TMCO1: variants seen among roughly 807,000 people sequenced by gnomAD.
TMCO1 encodes transmembrane and coiled-coil domains 1, also known as calcium load-activated calcium channel.
TMCO1 carries 29 observed loss-of-function variants against 29.3 expected under a neutral mutation model. The observed-to-expected ratio is 0.99, with a 90% CI of 0.74 to 1.35. The LOEUF (loss-of-function observed/expected upper bound fraction) is 1.35. TMCO1 is among the 40% of genes most tolerant of loss of function. TMCO1 has a pLI of 0.00. For missense variants in TMCO1, 173 were observed against 225.5 expected, an observed-to-expected ratio of 0.77 and a Z score of 1.49; for synonymous variants, 80 against 77.1, an observed-to-expected ratio of 1.04 and a Z score of -0.20.
chr1:165,739,428 C>T (rs558126181), intron 6 of TMCO1, among the ~76,000 whole-genome samples: 13 of 152,006 alleles, frequency 8.6e-5, no homozygotes, highest in African/African-American at 2.7e-4. Flanking sequence ...GGCTCTGTTG[C>T]CCAGGCTGGA....
At chr1:165,725,991 TAAG>T (rs773082673), downstream of TMCO1, 7 of 683,210 alleles carry the variant, frequency 1.0e-5, no homozygotes, top group South Asian at 7.5e-5. Flanking sequence ...ACCTGGTCCA[TAAG>T]AAGTCTGATT....
rs746094506 is a variant in TMCO1 at position 165,754,234 on chromosome 1, T to TA, written c.248dup (p.Ser84IlefsTer27). Reference sequence around the variant, plus strand: ...TTATAGTTAGGTCTCTTACCATTGATAGATCTCTGTTGTTATTCTTCAGTT... The same window carrying TA: ...TTATAGTTAGGTCTCTTACCATTGATAAGATCTCTGTTGTTATTCTTCAGTT... On this transcript the variant is annotated frameshift_variant, in exon 4 of 7. Transcript: ENST00000367881. LOFTEE classifies it high-confidence loss of function. 1 of 1,610,750 alleles carries TA rather than the reference T, an allele frequency of 6.2e-7. No individual in the cohort carries two copies. The highest frequency in any genetic ancestry group is 8.5e-7 in the Non-Finnish European group (1 of 1,177,260).
At chr1:165,731,019 C>A (rs573525157) in intron 6 of TMCO1, among the ~76,000 whole-genome samples, 20 of 152,090 alleles carry the variant, frequency 1.3e-4, no homozygotes, top group Non-Finnish European at 2.5e-4. Flanking sequence ...CCTGCCTCAA[C>A]CTCCCGAGTA....
chr1:165,724,344 G>A (rs772501284), downstream of TMCO1: 5 of 453,468 alleles, frequency 1.1e-5, no homozygotes, highest in African/African-American at 2.0e-5. Flanking sequence ...AAAGCTGCTC[G>A]CATTACAGAG....
In TMCO1 at chr1:165,726,887, T is replaced by G; in HGVS notation, c.*1136A>C. On this transcript the variant is annotated 3_prime_UTR_variant, in exon 7 of 7. Transcript: ENST00000367881. ...ATTTTCCTCAGCACTTTGAAGATAC[T>G]TTTCTACTGTCTTCTGGACTTTATG... 1 of 454,108 alleles carries G rather than the reference T, an allele frequency of 2.2e-6. No individual in the cohort carries two copies. The highest frequency in any genetic ancestry group is 2.3e-5 in the Admixed American group (1 of 42,580). 28.1% of individuals were successfully genotyped at this position (454,108 alleles called of 1,614,324 possible).
At chr1:165,755,819 C>A (rs1295651663) in intron 3 of TMCO1, among the ~76,000 whole-genome samples, 1 of 152,158 alleles carries the variant, frequency 6.6e-6, no homozygotes, top group African/African-American at 2.4e-5. Context: ...ATTTATAACA[C>A]CCTCTGTCCT....
At chr1:165,731,643 T>C (rs776741667) in intron 6 of TMCO1, among the ~76,000 whole-genome samples, 1 of 152,252 alleles carries the variant, frequency 6.6e-6, no homozygotes, top group Non-Finnish European at 1.5e-5. Context: ...GAAACTGAAC[T>C]GGTAGTCTGT....
At chr1:165,752,299 G>T (rs1652025711) in intron 4 of TMCO1, 130 bp from the exon 5 acceptor site, 2 of 703,888 alleles carry the variant, frequency 2.8e-6, no homozygotes, top group South Asian at 1.6e-5. Flanking sequence ...CTGTCTCCCA[G>T]GCTGGAGTAC....
At chr1:165,728,766 TCTG>T (rs1651003762) in intron 6 of TMCO1, among the ~76,000 whole-genome samples, 1 of 151,940 alleles carries the variant, frequency 6.6e-6, no homozygotes, top group Non-Finnish European at 1.5e-5. Flanking sequence ...TGAGTACGGG[TCTG>T]CTGGCTGGAT....
intron 5 of TMCO1, among the ~76,000 whole-genome samples, chr1:165,750,707 C>T (rs1410679415): frequency 1.3e-5 from 2 of 152,142 alleles, no homozygotes; most frequent in Non-Finnish European, 2.9e-5. Flanking sequence ...AACAACCATT[C>T]TTCTGTATTA....
chr1:165,749,143 AC>A (rs2101803973), intron 5 of TMCO1, among the ~76,000 whole-genome samples: 1 of 152,288 alleles, frequency 6.6e-6, no homozygotes, highest in South Asian at 2.1e-4. Context: ...CCTGCTATAA[AC>A]ATCTGTGTAC....
intron 6 of TMCO1, among the ~76,000 whole-genome samples, chr1:165,729,646 A>C (rs916265004): frequency 1.5e-4 from 23 of 152,112 alleles, no homozygotes; most frequent in African/African-American, 5.3e-4. Context: ...AGAGGAAAAA[A>C]ACCTTAGAGA....
intron 5 of TMCO1, among the ~76,000 whole-genome samples, chr1:165,748,439 G>A (rs1651882718): frequency 6.6e-6 from 1 of 152,048 alleles, no homozygotes; most frequent in Non-Finnish European, 1.5e-5. Flanking sequence ...AAGAGAGGGA[G>A]GGATGAATGA....
At chr1:165,725,907 T>C (rs1187673402), downstream of TMCO1, 6 of 611,232 alleles carry the variant, frequency 9.8e-6, no homozygotes, top group African/African-American at 1.1e-4. Context: ...ATAGGGTGAA[T>C]AGATGTAATC....
Position 165,754,307 on chromosome 1 carries a change from C to T in TMCO1, c.209-33G>A, listed in dbSNP as rs1434789332. 2.3e-5 allele frequency: 35 copies of T among 1,539,926 alleles called. No homozygotes were observed. In the Admixed American group the frequency reaches 5.5e-4, roughly 24 times the overall value. On this transcript the variant is annotated intron_variant, in intron 3 of 6. Transcript: ENST00000367881. The stretch of plus-strand genomic sequence containing the variant: ...GAATTAATGAGATGGTTAATACATA[C>T]AATGCTGAGCACAAAGCAGCTGTTA...
intron 3 of TMCO1, among the ~76,000 whole-genome samples, chr1:165,755,258 C>A (rs1652150039): frequency 6.6e-6 from 1 of 152,170 alleles, no homozygotes; most frequent in Admixed American, 6.6e-5. Context: ...GACATCCATT[C>A]TGACCACAGA....
chr1:165,747,984 C>G (rs1328237866), intron 5 of TMCO1, among the ~76,000 whole-genome samples: 1 of 152,050 alleles, frequency 6.6e-6, no homozygotes, highest in African/African-American at 2.4e-5. Context: ...CATGGTGAAA[C>G]CCCATGTCTA....
Position 165,753,702 on chromosome 1 carries a change from T to C in TMCO1, c.255+526A>G, listed in dbSNP as rs1484999445. ...GGTGTACTCCTGTAGTCCCAGCTACTTGGGAGGCTGAGACAAGAGGGTCCC... is the reference window on the plus strand; with the variant it reads ...GGTGTACTCCTGTAGTCCCAGCTACCTGGGAGGCTGAGACAAGAGGGTCCC... On this transcript the variant is annotated intron_variant, in intron 4 of 6. Transcript: ENST00000367881. Among the ~76,000 whole-genome samples the C allele has an allele frequency of 2.0e-5, 3 of 152,058 alleles. No homozygotes were observed. The East Asian group carries it at 5.8e-4, about 29-fold the overall frequency.
chr1:165,761,844 G>C (rs1652417850), intron 2 of TMCO1, among the ~76,000 whole-genome samples: 1 of 151,950 alleles, frequency 6.6e-6, no homozygotes, highest in African/African-American at 2.4e-5. Flanking sequence ...AGCTACTCAG[G>C]AGGCTGAGAT....
Sources: allele counts gnomAD v4.1 joint callset (sites outside exome capture counted in the v4.1 genomes callset), GRCh38; gene constraint gnomAD v4.1.1; transcripts MANE v1.5; gene names NCBI Gene and HGNC (gene_info 2026-07-23, HGNC 2026-07-21).